TAP2: variants seen among roughly 807,000 people sequenced by gnomAD.
TAP2 encodes antigen peptide transporter 2.
Under a neutral mutation model 74.7 loss-of-function variants are expected in TAP2, and 49 were observed. The observed-to-expected ratio is 0.66, with a 90% confidence interval of 0.52 to 0.83. The LOEUF (loss-of-function observed/expected upper bound fraction) is 0.83. TAP2 is among the 40% of genes least tolerant of loss of function. The pLI, the probability that TAP2 is intolerant of heterozygous loss-of-function variation, is 0.00. For missense variants in TAP2, 739 were observed against 859.0 expected (o/e 0.86, Z 1.75); for synonymous variants, 306 against 368.4 (o/e 0.83, Z 1.94).
At chr6:32,834,482 G>A (rs1769284907) in intron 5 of TAP2, among the ~76,000 whole-genome samples, 1 of 152,334 alleles carries the variant, frequency 6.6e-6, no homozygotes, top group Middle Eastern at 3.4e-3. Context: ...CAGCGGCCAG[G>A]GGTTGGGGGT....
chr6:32,828,549 A>C lies in TAP2; in HGVS notation c.*357T>G. On this transcript the variant is annotated 3_prime_UTR_variant, in exon 12 of 12. Transcript: ENST00000374897. ...CTTTTTTATATTGTCTAAATTTTCTATATGAATGTATACAGTTCATGTAAG... is the reference window on the plus strand; with the variant it reads ...CTTTTTTATATTGTCTAAATTTTCTCTATGAATGTATACAGTTCATGTAAG... The C allele has an allele frequency of 1.0e-6, 1 of 984,070 alleles. No individual in the cohort carries two copies. Among genetic ancestry groups the C allele is most frequent in the Non-Finnish European group, 1.2e-6 (1 of 826,246 alleles). 61.0% of individuals were successfully genotyped at this position (984,070 alleles called of 1,614,324 possible).
Position 32,835,435 on chromosome 6 carries a change from T to C in TAP2, c.740-76A>G. On this transcript the variant is annotated intron_variant, in intron 4 of 11. Transcript: ENST00000374897. This position sits in a 1 kb window ranked among gnomAD's most constrained non-coding sequence, Gnocchi z 4.0. ...GCCCCCAGAAACTCCCTCCTGACCGTTCCCTCTGACACAGCCCCCTCCTCT... is the reference window on the plus strand; with the variant it reads ...GCCCCCAGAAACTCCCTCCTGACCGCTCCCTCTGACACAGCCCCCTCCTCT... 1 of 1,534,360 alleles carries C rather than the reference T, an allele frequency of 6.5e-7. No individual in the cohort carries two copies. The highest frequency in any genetic ancestry group is 1.7e-4 in the Middle Eastern group (1 of 5,772).
At chr6:32,831,074 T>C (rs1464241210) in intron 7 of TAP2, among the ~76,000 whole-genome samples, 1 of 152,222 alleles carries the variant, frequency 6.6e-6, no homozygotes, top group African/African-American at 2.4e-5. Flanking sequence ...TACTGCTTCC[T>C]ATTACTTGTG....
rs1293561966 is a variant in TAP2 at position 32,838,202 on chromosome 6, G to A, written c.32C>T (p.Ser11Phe). 2 of 1,588,456 alleles carry A rather than the reference G, an allele frequency of 1.3e-6. No homozygotes were observed. The highest frequency in any genetic ancestry group is 1.7e-6 in the Non-Finnish European group (2 of 1,168,256). MRLPDLRPWT[S>F]LLLVDAALLW... ...TAAAGCCGCGTCCACCAGCAGCAGG[G>A]AGGTCCAGGGTCTCAGGTCAGGGAG... The change falls in exon 2 of 12, where the codon TCC becomes TTC. Residue 11 changes from serine to phenylalanine, a missense_variant. Transcript: ENST00000374897.
chr6:32,838,292 C>T, intron 1 of TAP2, 55 bp from the exon 2 acceptor site: 1 of 1,501,572 alleles, frequency 6.7e-7, no homozygotes, highest in Non-Finnish European at 8.8e-7. Flanking sequence ...ATCCTTGTCC[C>T]TGCCCTCCTA....
Position 32,835,182 on chromosome 6 carries a change from G to A in TAP2, c.917C>T (p.Ala306Val), listed in dbSNP as rs144176825. The A allele has an allele frequency of 1.4e-5, 22 of 1,612,834 alleles. No homozygotes were observed. The highest frequency in any genetic ancestry group is 4.5e-5 in the East Asian group (2 of 44,882). ...SLLHMPFTIA[A>V]EKVYNTRHQE... The stretch of plus-strand genomic sequence containing the variant: ...ATGGCGGGTGTTGTACACCTTCTCC[G>A]CTGCTATTGTGAAGGGCATGTGCAG... Residue 306 changes from alanine (A) to valine (V), a missense_variant, in exon 5 of 12, where the codon GCG (alanine) becomes GTG (valine). By Grantham distance (64) the Ala-to-Val change is moderately conservative (BLOSUM62 0). Transcript: ENST00000374897. The surrounding 1 kb of genome is among the most constrained non-coding windows in gnomAD (Gnocchi z 4.0).
chr6:32,823,572 T>C (rs1768447383), downstream of TAP2, among the ~76,000 whole-genome samples: 1 of 151,988 alleles, frequency 6.6e-6, no homozygotes, highest in African/African-American at 2.4e-5. Flanking sequence ...AAATAATGAA[T>C]ACATCTTTCT....
rs1274964955 is a variant in TAP2 at position 32,835,787 on chromosome 6, G to A, written c.609-14C>T. The A allele has an allele frequency of 2.5e-6, 4 of 1,613,158 alleles. No individual in the cohort carries two copies. Among genetic ancestry groups the A allele is most frequent in the Non-Finnish European group, 3.4e-6 (4 of 1,180,006 alleles). On this transcript the variant is annotated splice_polypyrimidine_tract_variant and intron_variant, in intron 3 of 11. Coordinates refer to ENST00000374897, the MANE Select transcript of TAP2 (RefSeq NM_001290043.2). This position sits in a 1 kb window ranked among gnomAD's most constrained non-coding sequence, Gnocchi z 4.0. Reference sequence around the variant, plus strand: ...GCAGACAGTGAGCTGTGGGGTAGGAGAATAAGAGGGGAGGGAGATGCAGAG... The same window carrying A: ...GCAGACAGTGAGCTGTGGGGTAGGAAAATAAGAGGGGAGGGAGATGCAGAG...
At chr6:32,830,595 G>T (rs749880172) in intron 8 of TAP2, 23 bp downstream of exon 8, 1 of 1,612,946 alleles carries the variant, frequency 6.2e-7, no homozygotes, top group African/African-American at 1.3e-5. Flanking sequence ...CAAGGGTCCA[G>T]GTTTCCTCCC....
chr6:32,822,565 G>C (rs1215132706), downstream of TAP2, among the ~76,000 whole-genome samples: 1 of 152,082 alleles, frequency 6.6e-6, no homozygotes, highest in Non-Finnish European at 1.5e-5. Flanking sequence ...TTAGAGACAA[G>C]GCCTCACTCT....
intron 3 of TAP2, among the ~76,000 whole-genome samples, chr6:32,837,074 A>G (rs776226467): frequency 3.3e-5 from 5 of 152,208 alleles, no homozygotes; most frequent in African/African-American, 4.8e-5. Context: ...AAGAAAGGTG[A>G]TAAGCCTCAG....
rs573410046 is a variant in TAP2, at chr6:32,833,612, G to C, written c.946-788C>G. The stretch of plus-strand genomic sequence containing the variant: ...CTAATCACCTAATCACCATTAGAAT[G>C]GCTATTAAAAAAAAAGACAACAGAA... On this transcript the variant is annotated intron_variant, in intron 5 of 11. Coordinates refer to ENST00000374897, the MANE Select transcript of TAP2 (RefSeq NM_001290043.2). 8.0e-5 allele frequency among the ~76,000 whole-genome samples: 10 copies of C among 125,082 alleles called. No individual in the cohort carries two copies. In the East Asian group the frequency reaches 2.2e-3, roughly 28 times the overall value. 82.1% of individuals were successfully genotyped at this position (125,082 alleles called of 152,430 possible).
rs2127349932 is a variant in TAP2, at chr6:32,827,973, G to A, written c.*933C>T. ...TAGATTCTGAATTATTTAGAGCTAA[G>A]AGCAGCAGAGCTTTTCTTGATGGGA... On this transcript the variant is annotated 3_prime_UTR_variant, in exon 12 of 12. Coordinates refer to ENST00000374897, the MANE Select transcript of TAP2 (RefSeq NM_001290043.2). The A allele has an allele frequency of 1.0e-6, 1 of 985,334 alleles. No homozygotes were observed. Among genetic ancestry groups the A allele is most frequent in the Non-Finnish European group, 1.2e-6 (1 of 829,844 alleles). The allele number at this position is 985,334 out of a possible 1,614,324, so 61.0% of individuals were successfully genotyped here.
At chr6:32,834,576 A>G (rs145350051) in intron 5 of TAP2, among the ~76,000 whole-genome samples, 1,626 of 152,090 alleles carry the variant, frequency 0.011, 28 homozygotes, top group African/African-American at 0.03. Context: ...GATGATGGTT[A>G]CCCAATAACA....
chr6:32,828,677 C>CGCG lies in TAP2; in HGVS notation c.*228_*229insCGC. ...ATTAAGTTTCCTGGACACAGACAGC[C>CGCG]CCCACCCCACCCCACCCCACCTCTC... On this transcript the variant is annotated 3_prime_UTR_variant, in exon 12 of 12. Coordinates refer to ENST00000374897, the MANE Select transcript of TAP2 (RefSeq NM_001290043.2). 2 of 971,796 alleles carry CGCG rather than the reference C, an allele frequency of 2.1e-6. No homozygotes were observed. Among genetic ancestry groups the CGCG allele is most frequent in the Non-Finnish European group, 2.5e-6 (2 of 806,862 alleles). The allele number at this position is 971,796 out of a possible 1,614,324, so 60.2% of individuals were successfully genotyped here. A position where few individuals can be genotyped will look rare whatever the true frequency, so the allele number is the denominator to read the frequency against.
At position 32,828,692 on chromosome 6, in the gene TAP2, C is replaced by A. The variant is rs1293313245; in HGVS notation, c.*214G>T. 5 of 1,011,702 alleles carry A rather than the reference C, an allele frequency of 4.9e-6. No individual in the cohort carries two copies. Among genetic ancestry groups the A allele is most frequent in the African/African-American group, 1.7e-5 (1 of 58,148 alleles). The allele number at this position is 1,011,702 out of a possible 1,614,324, so 62.7% of individuals were successfully genotyped here. The stretch of plus-strand genomic sequence containing the variant: ...CACAGACAGCCCCCACCCCACCCCA[C>A]CCCACCTCTCTACCCCACCAAAAGC... On this transcript the variant is annotated 3_prime_UTR_variant, in exon 12 of 12. Transcript: ENST00000374897.
downstream of TAP2, chr6:32,821,949 C>T: frequency 3.7e-6 from 1 of 268,216 alleles, no homozygotes; most frequent in Non-Finnish European, 7.0e-6. Context: ...AGAGGTGTAA[C>T]ATGAGGGGAA....
chr6:32,836,776 T>A (rs241426), intron 3 of TAP2, among the ~76,000 whole-genome samples: 93,981 of 152,174 alleles, frequency 0.62, 29,423 homozygotes, highest in African/African-American at 0.71. Flanking sequence ...TGACCTAAAC[T>A]TCGTTATGCA....
chr6:32,827,574 G>T lies in TAP2; in HGVS notation c.*1332C>A. On this transcript the variant is annotated 3_prime_UTR_variant, in exon 12 of 12. Coordinates refer to ENST00000374897, the MANE Select transcript of TAP2 (RefSeq NM_001290043.2). Reference sequence around the variant, plus strand: ...ATAAGTAAGGCCTCCTGGAAGACCTGAACCCTGAGTTAAGTCTTGAACTTG... The same window carrying T: ...ATAAGTAAGGCCTCCTGGAAGACCTTAACCCTGAGTTAAGTCTTGAACTTG... 2.6e-6 allele frequency: 1 copy of T among 390,998 alleles called. No individual in the cohort carries two copies. The highest frequency in any genetic ancestry group is 3.5e-6 in the Non-Finnish European group (1 of 287,530). 24.2% of individuals were successfully genotyped at this position (390,998 alleles called of 1,614,324 possible). A position where few individuals can be genotyped will look rare whatever the true frequency, so the allele number is the denominator to read the frequency against.
Sources: allele counts gnomAD v4.1 joint callset (sites outside exome capture counted in the v4.1 genomes callset), GRCh38; gene constraint gnomAD v4.1.1; non-coding constraint Gnocchi (gnomAD v3.1); transcripts MANE v1.5; gene names NCBI Gene and HGNC (gene_info 2026-07-23, HGNC 2026-07-21).